Variants in ATP13A4 observed in about 807,000 individuals in gnomAD.
ATP13A4 encodes ATPase 13A4.
In ATP13A4, 114 loss-of-function variants were observed where a neutral mutation model predicts 142.5. That is an observed-to-expected ratio of 0.80 (90% CI 0.69 to 0.93). ATP13A4 has a LOEUF of 0.93. Ranked by LOEUF, ATP13A4 falls within the 40% of genes least tolerant of loss-of-function variation. ATP13A4 has a pLI of 0.00. For missense variants in ATP13A4, 1,392 were observed against 1,454.0 expected, an observed-to-expected ratio of 0.96 and a Z score of 0.69; for synonymous variants, 488 against 514.8, an observed-to-expected ratio of 0.95 and a Z score of 0.70.
intron 25 of ATP13A4, among the ~76,000 whole-genome samples, chr3:193,426,175 A>G (rs1479817919): frequency 6.6e-6 from 1 of 151,860 alleles, no homozygotes; most frequent in African/African-American, 2.4e-5. Flanking sequence ...GCAATGTTTC[A>G]GGGCATAAGA....
chr3:193,412,396 A>C, intron 26 of ATP13A4, 25 bp from the exon 27 acceptor site: 1 of 1,607,590 alleles, frequency 6.2e-7, no homozygotes, highest in Non-Finnish European at 8.5e-7. Context: ...CAAAGAAGCT[A>C]ATGAAGTAAG....
rs554486067 is a variant in ATP13A4, at chr3:193,579,122, A to T, written n.291+2585T>A. On this transcript the variant is annotated intron_variant and non_coding_transcript_variant, in intron 2 of 3. Coordinates refer to the ATP13A4 transcript ENST00000489140. Reference sequence around the variant, plus strand: ...ATATGTCCCTGTAATCACGTTTTTGATAAAGTCTCTGTGGCCTAAGGCAAC... The same window carrying T: ...ATATGTCCCTGTAATCACGTTTTTGTTAAAGTCTCTGTGGCCTAAGGCAAC... The T allele has an allele frequency of 6.1e-5, 10 of 164,150 alleles. No individual in the cohort carries two copies. In the South Asian group the frequency reaches 1.0e-3, roughly 17 times the overall value. 10.2% of individuals were successfully genotyped at this position (164,150 alleles called of 1,614,324 possible). A position where few individuals can be genotyped will look rare whatever the true frequency, so the allele number is the denominator to read the frequency against.
At chr3:193,473,106 G>T (rs556147032) in intron 8 of ATP13A4, among the ~76,000 whole-genome samples, 1 of 152,324 alleles carries the variant, frequency 6.6e-6, no homozygotes, top group East Asian at 1.9e-4. Context: ...AGAGGACTGA[G>T]TACAGGCTGC....
chr3:193,591,796 TTTG>T (rs1001254890), intron 1 of ATP13A4, among the ~76,000 whole-genome samples: 1 of 152,196 alleles, frequency 6.6e-6, no homozygotes, highest in East Asian at 1.9e-4. Flanking sequence ...ATTTTTCTTT[TTTG>T]TTGTTGTTGT....
intron 23 of ATP13A4, among the ~76,000 whole-genome samples, chr3:193,437,914 C>T (rs370852354): frequency 6.9e-6 from 1 of 145,722 alleles, no homozygotes; most frequent in African/African-American, 2.5e-5. Flanking sequence ...TCACTGCAAT[C>T]TCCACCTCCC....
chr3:193,439,912 G>A (rs903266613), intron 21 of ATP13A4, among the ~76,000 whole-genome samples: 1 of 152,124 alleles, frequency 6.6e-6, no homozygotes. Flanking sequence ...ACAAGTAGGA[G>A]TCGGAGTCAT....
Position 193,576,836 on chromosome 3 carries a change from T to G in ATP13A4, n.291+4871A>C, listed in dbSNP as rs183770068. 2.0e-5 allele frequency among the ~76,000 whole-genome samples: 3 copies of G among 152,234 alleles called. No homozygotes were observed. In the East Asian group the frequency reaches 5.8e-4, roughly 29 times the overall value. ...TTCTACAGAATCGTCCATGAAGATA[T>G]CGGTGCCTCCACCACTGGCACAGAC... On this transcript the variant is annotated intron_variant and non_coding_transcript_variant, in intron 2 of 3. Coordinates refer to the ATP13A4 transcript ENST00000489140.
At chr3:193,433,502 A>G (rs1716091955) in intron 25 of ATP13A4, among the ~76,000 whole-genome samples, 1 of 152,150 alleles carries the variant, frequency 6.6e-6, no homozygotes. Context: ...GCTCCTATAA[A>G]TTGGGTACAT....
chr3:193,491,371 G>A lies in ATP13A4; in HGVS notation c.561C>T (p.Ile187=), dbSNP rs749661206. The A allele has an allele frequency of 7.5e-6, 12 of 1,599,532 alleles. No homozygotes were observed. The highest frequency in any genetic ancestry group is 4.5e-5 in the East Asian group (2 of 44,732). The change falls in exon 6 of 30, where the codon ATC becomes ATT. Residue 187 remains isoleucine, a synonymous_variant. Transcript: ENST00000342695. ...IRRLICGPNT[I]DVEVTPIWKL... is the part of the protein sequence containing the mutation. The stretch of plus-strand genomic sequence containing the variant: ...TCCAAATTGGTGTAACTTCAACATC[G>A]ATAGTATTAGGCCCACATATTAACC...
At chr3:193,554,630 A>C (rs1723787560) in intron 1 of ATP13A4, 110 bp downstream of exon 1, 1 of 1,381,604 alleles carries the variant, frequency 7.2e-7, no homozygotes, top group Non-Finnish European at 1.0e-6. Flanking sequence ...ATTTTAGAAA[A>C]GTCTGTGTGT....
At chr3:193,436,614 A>AT (rs568871995) in intron 23 of ATP13A4, among the ~76,000 whole-genome samples, 21 of 150,506 alleles carry the variant, frequency 1.4e-4, no homozygotes, top group Middle Eastern at 3.5e-3. Context: ...GGTCTAGCTA[A>AT]TTTTTTTTTG....
intron 25 of ATP13A4, among the ~76,000 whole-genome samples, chr3:193,426,825 A>C (rs532121781): frequency 1.4e-5 from 2 of 146,854 alleles, no homozygotes; most frequent in Admixed American, 1.4e-4. Flanking sequence ...ACTTCATACC[A>C]CATGTAAAAA....
chr3:193,439,474 G>T (rs148395408), intron 21 of ATP13A4, among the ~76,000 whole-genome samples: 2 of 152,160 alleles, frequency 1.3e-5, no homozygotes, highest in African/African-American at 4.8e-5. Context: ...GCTACGAAGG[G>T]CTATGAGTAT....
At chr3:193,447,362 T>C (rs1471324018) in intron 18 of ATP13A4, among the ~76,000 whole-genome samples, 1 of 152,002 alleles carries the variant, frequency 6.6e-6, no homozygotes, top group Non-Finnish European at 1.5e-5. Flanking sequence ...GACAGAGAAG[T>C]ACAAAAGAGG....
Position 193,459,139 on chromosome 3 carries a change from A to C in ATP13A4, c.1616T>G (p.Leu539Arg). 6.2e-7 allele frequency: 1 copy of C among 1,614,232 alleles called. No individual in the cohort carries two copies. The highest frequency in any genetic ancestry group is 8.5e-7 in the Non-Finnish European group (1 of 1,180,044). ...AMASCHSLIL[L>R]DGTIQGDPLD... is the part of the protein sequence containing the mutation. Reference sequence around the variant, plus strand: ...AGGGTCTCCCTGGATGGTCCCATCAAGAAGGATCAGAGAGTGGCAGCTGGC... The same window carrying C: ...AGGGTCTCCCTGGATGGTCCCATCACGAAGGATCAGAGAGTGGCAGCTGGC... The change falls in exon 14 of 30, where the codon CTT (leucine) becomes CGT (arginine). Residue 539 changes from leucine (L) to arginine (R), a missense_variant. By Grantham distance (102) the Leu-to-Arg change is moderately radical. Transcript: ENST00000342695.
At chr3:193,461,923 T>C (rs192554828) in intron 13 of ATP13A4, among the ~76,000 whole-genome samples, 13 of 152,184 alleles carry the variant, frequency 8.5e-5, no homozygotes, top group Admixed American at 5.2e-4. Flanking sequence ...CTTTTCTTGC[T>C]AGGAAAAAGG....
chr3:193,502,341 T>G (rs2108676269), intron 3 of ATP13A4, 152 bp downstream of exon 3: 18 of 912,868 alleles, frequency 2.0e-5, no homozygotes, highest in African/African-American at 4.9e-5. Flanking sequence ...AGGAGCAAGC[T>G]GAGATTTGGA....
At chr3:193,495,737 A>G (rs971442223) in intron 3 of ATP13A4, among the ~76,000 whole-genome samples, 2 of 152,190 alleles carry the variant, frequency 1.3e-5, no homozygotes, top group African/African-American at 4.8e-5. Context: ...CAGAGCAATT[A>G]GGCAAGAGAA....
chr3:193,482,473 G>C (rs1489473502), intron 8 of ATP13A4, among the ~76,000 whole-genome samples: 1 of 152,114 alleles, frequency 6.6e-6, no homozygotes, highest in Non-Finnish European at 1.5e-5. Context: ...AAGAGAATGG[G>C]AAGGTAAGTC....
Sources: gnomAD v4.1 joint callset for allele counts (sites outside exome capture counted in the v4.1 genomes callset) on GRCh38, gnomAD v4.1.1 for gene constraint, MANE v1.5 for transcripts, NCBI Gene and HGNC (gene_info 2026-07-23, HGNC 2026-07-21) for gene names.